Variants in PPARGC1A observed in about 807,000 individuals in gnomAD.
The protein encoded by PPARGC1A is PPARG coactivator 1 alpha.
PPARGC1A carries 25 observed loss-of-function variants against 88.7 expected under a neutral mutation model. The observed-to-expected ratio is 0.28, with a 90% confidence interval of 0.21 to 0.39. PPARGC1A has a LOEUF of 0.39. PPARGC1A is among the 10% of genes least tolerant of loss of function. The pLI, the probability that PPARGC1A is intolerant of heterozygous loss-of-function variation, is 1.00. For missense variants in PPARGC1A, 880 were observed against 968.7 expected (o/e 0.91, Z 1.22); for synonymous variants, 363 against 355.6 (o/e 1.02, Z -0.24).
the PPARGC1A span, among the ~76,000 whole-genome samples, chr4:24,088,069 C>T: frequency 6.6e-6 from 1 of 152,192 alleles, no homozygotes; most frequent in Admixed American, 6.5e-5. Flanking sequence ...TACTCTGAGG[C>T]CAGGTGTGGT....
chr4:24,248,488 G>GA, the PPARGC1A span, among the ~76,000 whole-genome samples: 2,603 of 147,144 alleles, frequency 0.018, 31 homozygotes, highest in African/African-American at 0.039. Context: ...ACCACCTCTG[G>GA]AAAAAAAAAA....
At chr4:23,826,189 G>T (rs1479783803) in intron 5 of PPARGC1A, among the ~76,000 whole-genome samples, 1 of 152,072 alleles carries the variant, frequency 6.6e-6, no homozygotes, top group African/African-American at 2.4e-5. Context: ...AGGCAAACAG[G>T]AAATGAGAGC....
chr4:24,316,071 G>A, the PPARGC1A span, among the ~76,000 whole-genome samples: 5 of 152,156 alleles, frequency 3.3e-5, no homozygotes, highest in African/African-American at 1.2e-4. Context: ...GTGGGGTGAC[G>A]GTTCTGCTCA....
chr4:24,147,194 T>A, the PPARGC1A span, among the ~76,000 whole-genome samples: 1 of 152,168 alleles, frequency 6.6e-6, no homozygotes, highest in East Asian at 1.9e-4. Flanking sequence ...GGTAAAGAAA[T>A]CAGGAAGGCC....
At chr4:23,982,904 A>G in the PPARGC1A span, among the ~76,000 whole-genome samples, 2 of 152,156 alleles carry the variant, frequency 1.3e-5, no homozygotes, top group Non-Finnish European at 2.9e-5. Flanking sequence ...ACTACAGCCC[A>G]TGGGCCGAAT....
chr4:24,047,052 CTG>C, the PPARGC1A span, among the ~76,000 whole-genome samples: 6 of 152,180 alleles, frequency 3.9e-5, no homozygotes, highest in Non-Finnish European at 7.3e-5. Context: ...ATTGAAGACT[CTG>C]TTTTCTGGCT....
At chr4:24,035,477 G>T in the PPARGC1A span, among the ~76,000 whole-genome samples, 1 of 151,990 alleles carries the variant, frequency 6.6e-6, no homozygotes, top group Non-Finnish European at 1.5e-5. Flanking sequence ...GGAGAAGGAG[G>T]TTGGGTTGCA....
the PPARGC1A span, among the ~76,000 whole-genome samples, chr4:24,450,813 G>A: frequency 6.6e-6 from 1 of 152,134 alleles, no homozygotes; most frequent in Admixed American, 6.5e-5. Context: ...AAAAATAGCT[G>A]TTCCAAATTC....
At chr4:24,034,817 C>T in the PPARGC1A span, among the ~76,000 whole-genome samples, 17 of 152,258 alleles carry the variant, frequency 1.1e-4, no homozygotes, top group East Asian at 3.3e-3. Context: ...TCCCTTTGAT[C>T]CAAGAGTGAT....
At chr4:24,333,959 A>T in the PPARGC1A span, among the ~76,000 whole-genome samples, 1 of 149,214 alleles carries the variant, frequency 6.7e-6, no homozygotes, top group Non-Finnish European at 1.5e-5. Context: ...AAAAAAAAAA[A>T]AAAAAAGGCA....
upstream of PPARGC1A, among the ~76,000 whole-genome samples, chr4:23,904,618 AT>A (rs1408977643): frequency 6.6e-6 from 1 of 152,114 alleles, no homozygotes; most frequent in Non-Finnish European, 1.5e-5. Context: ...TTACTGGATT[AT>A]TTCACCCTTT....
the PPARGC1A span, among the ~76,000 whole-genome samples, chr4:24,471,401 G>C: frequency 6.6e-6 from 1 of 152,032 alleles, no homozygotes; most frequent in Non-Finnish European, 1.5e-5. This position sits in a 1 kb window ranked among gnomAD's most constrained non-coding sequence, Gnocchi z 5.4. Context: ...CTCGACCCCA[G>C]CTCTACTTCC....
the PPARGC1A span, among the ~76,000 whole-genome samples, chr4:24,310,194 T>C: frequency 3.3e-5 from 5 of 151,950 alleles, no homozygotes; most frequent in Non-Finnish European, 5.9e-5. Context: ...CAGGTTGGAG[T>C]TGAAAATGTG....
chr4:24,353,174 C>T, the PPARGC1A span, among the ~76,000 whole-genome samples: 1 of 150,864 alleles, frequency 6.6e-6, no homozygotes, highest in Non-Finnish European at 1.5e-5. Context: ...TCCCAAGTGA[C>T]CCTTTTAAAT....
At chr4:24,371,423 C>T in the PPARGC1A span, among the ~76,000 whole-genome samples, 58,967 of 151,944 alleles carry the variant, frequency 0.39, 12,029 homozygotes, top group East Asian at 0.46. Flanking sequence ...ACAAAACAAT[C>T]GAGTTGCTTA....
At chr4:24,111,476 T>G in the PPARGC1A span, among the ~76,000 whole-genome samples, 1 of 152,200 alleles carries the variant, frequency 6.6e-6, no homozygotes, top group Non-Finnish European at 1.5e-5. Context: ...GCTACCAGAT[T>G]GTTAATAAAA....
chr4:23,995,820 G>A, the PPARGC1A span, among the ~76,000 whole-genome samples: 3 of 151,972 alleles, frequency 2.0e-5, no homozygotes, highest in African/African-American at 7.3e-5. Context: ...TGTTCCTCTA[G>A]TAGACTATAG....
chr4:23,801,316 A>C (rs753999365), intron 12 of PPARGC1A, among the ~76,000 whole-genome samples: 4 of 152,062 alleles, frequency 2.6e-5, no homozygotes, highest in Non-Finnish European at 5.9e-5. Flanking sequence ...CACACAAAGC[A>C]CAATACTACA....
the PPARGC1A span, among the ~76,000 whole-genome samples, chr4:24,282,896 C>A: frequency 6.6e-6 from 1 of 152,118 alleles, no homozygotes; most frequent in Non-Finnish European, 1.5e-5. Context: ...GAAGCGAGAA[C>A]CTGAGAATAA....
Sources: allele counts gnomAD v4.1 joint callset (sites outside exome capture counted in the v4.1 genomes callset), GRCh38; gene constraint gnomAD v4.1.1; non-coding constraint Gnocchi (gnomAD v3.1); transcripts MANE v1.5; gene names NCBI Gene and HGNC (gene_info 2026-07-23, HGNC 2026-07-21).